The following NASP variants were observed in gnomAD, a reference collection of about 807,000 sequenced individuals.
The protein encoded by NASP is nuclear autoantigenic sperm protein.
Under a neutral mutation model 89.5 loss-of-function variants are expected in NASP, and 24 were observed. That is an observed-to-expected ratio of 0.27 (90% CI 0.19 to 0.38). The LOEUF is 0.38. Ranked by LOEUF, NASP falls within the 10% of genes least tolerant of loss-of-function variation. NASP has a pLI of 1.00. For synonymous variants in NASP, 306 were observed against 324.7 expected (o/e 0.94, Z 0.62); for missense variants, 848 against 921.4 (o/e 0.92, Z 1.03).
chr1:45,584,122 G>T lies in NASP; in HGVS notation c.-25G>T. On this transcript the variant is annotated 5_prime_UTR_variant, in exon 1 of 15. Transcript: ENST00000350030. ...TTTTCTCGCAGGCTCTATTCCGTTC[G>T]CTGGTTCGCCACCTCAGGGGAACGA... 6.3e-7 allele frequency: 1 copy of T among 1,576,160 alleles called. No individual in the cohort carries two copies. Among genetic ancestry groups the T allele is most frequent in the Non-Finnish European group, 8.6e-7 (1 of 1,159,944 alleles).
chr1:45,603,469 A>G (rs920666597), intron 3 of NASP, among the ~76,000 whole-genome samples: 1 of 152,182 alleles, frequency 6.6e-6, no homozygotes, highest in African/African-American at 2.4e-5. Flanking sequence ...TGCCTCTGCC[A>G]ACATCCAGAA....
intron 5 of NASP, 102 bp from the exon 6 acceptor site, chr1:45,607,219 G>A: frequency 8.2e-7 from 1 of 1,226,748 alleles, no homozygotes; most frequent in Non-Finnish European, 1.1e-6. Flanking sequence ...AAACTTGGTA[G>A]GCTTTTTGAG....
At chr1:45,589,048 T>C (rs1312330461) in intron 1 of NASP, 1 of 156,860 alleles carries the variant, frequency 6.4e-6, no homozygotes. Context: ...TGACTAAGAT[T>C]CTATGTATAT....
At chr1:45,586,940 C>T (rs1022315640) in intron 1 of NASP, among the ~76,000 whole-genome samples, 1 of 152,070 alleles carries the variant, frequency 6.6e-6, no homozygotes, top group African/African-American at 2.4e-5. Flanking sequence ...TCAAGCAATC[C>T]TTCCATCTCA....
chr1:45,602,105 A>G (rs975712625), intron 2 of NASP, 150 bp from the exon 3 acceptor site: 16 of 936,648 alleles, frequency 1.7e-5, no homozygotes, highest in Non-Finnish European at 2.4e-5. Context: ...ATTTCTTTTG[A>G]TTTTGTGATG....
intron 2 of NASP, among the ~76,000 whole-genome samples, chr1:45,601,103 C>T (rs1034087648): frequency 9.2e-5 from 14 of 152,018 alleles, no homozygotes; most frequent in African/African-American, 3.1e-4. Flanking sequence ...TATTTTCTCC[C>T]AGTTGGGCCT....
intron 9 of NASP, 90 bp downstream of exon 9, chr1:45,614,456 A>G (rs1644068000): frequency 2.9e-6 from 3 of 1,039,792 alleles, no homozygotes. Flanking sequence ...CTTGATCTTT[A>G]AAAAGATAGG....
At chr1:45,596,885 A>C (rs1643709490) in intron 2 of NASP, among the ~76,000 whole-genome samples, 1 of 152,170 alleles carries the variant, frequency 6.6e-6, no homozygotes, top group Admixed American at 6.6e-5. Context: ...AAAGTGGCTG[A>C]GGCAGGAGAA....
In NASP at chr1:45,584,175, C is replaced by T. The variant is rs1376927559; in HGVS notation, c.29C>T (p.Ala10Val). Residue 10 changes from alanine to valine, a missense_variant, in exon 1 of 15, where the codon GCC becomes GTC. By Grantham distance (64) the Ala-to-Val change is moderately conservative (BLOSUM62 0). Coordinates refer to ENST00000350030, the MANE Select transcript of NASP (RefSeq NM_002482.4). MAMESTATA[A>V]VAAELVSADK... ...GCCATGGAGTCCACAGCCACTGCCGCCGTCGCCGCGGAGCTGGTTTCTGCC... is the reference window on the plus strand; with the variant it reads ...GCCATGGAGTCCACAGCCACTGCCGTCGTCGCCGCGGAGCTGGTTTCTGCC... 3 of 1,597,364 alleles carry T rather than the reference C, an allele frequency of 1.9e-6. No individual in the cohort carries two copies. The South Asian group carries it at 3.4e-5, about 18-fold the overall frequency.
At chr1:45,590,703 T>TTG (rs71056312) in intron 1 of NASP, among the ~76,000 whole-genome samples, 1 of 143,910 alleles carries the variant, frequency 6.9e-6, no homozygotes, top group Non-Finnish European at 1.5e-5. Flanking sequence ...TTTTTTTTTT[T>TTG]GAGACGGAGT....
intron 13 of NASP, among the ~76,000 whole-genome samples, chr1:45,616,939 G>C (rs1169498944): frequency 6.6e-6 from 1 of 152,066 alleles, no homozygotes; most frequent in African/African-American, 2.4e-5. Context: ...CTGCCCCCCG[G>C]GTTCAAGTGA....
At chr1:45,617,334 G>A in intron 13 of NASP, 129 bp from the exon 14 acceptor site, 2 of 1,096,304 alleles carry the variant, frequency 1.8e-6, no homozygotes, top group Non-Finnish European at 2.6e-6. Context: ...TGGCTAGGGA[G>A]AGAGACCCTT....
At chr1:45,601,340 A>T (rs1004388495) in intron 2 of NASP, among the ~76,000 whole-genome samples, 2 of 152,212 alleles carry the variant, frequency 1.3e-5, no homozygotes, top group Non-Finnish European at 2.9e-5. Context: ...ATTGCAGATT[A>T]ATTTTTGTAT....
At chr1:45,589,746 G>A (rs1274169669) in intron 1 of NASP, among the ~76,000 whole-genome samples, 1 of 151,932 alleles carries the variant, frequency 6.6e-6, no homozygotes, top group East Asian at 1.9e-4. Context: ...GTAAAAAACA[G>A]AAAAATTAGC....
In NASP at chr1:45,618,222, T is replaced by C. The variant is rs1050075805; in HGVS notation, c.*81T>C. The C allele has an allele frequency of 4.5e-6, 5 of 1,118,850 alleles. No homozygotes were observed. The African/African-American group carries it at 7.9e-5, about 18-fold the overall frequency. The allele number at this position is 1,118,850 out of a possible 1,614,324, so 69.3% of individuals were successfully genotyped here. ...TCACTTTTGGAGGATTCTTTTTGTA[T>C]AACTTCAATAAAGATTGTAAGCAAA... On this transcript the variant is annotated 3_prime_UTR_variant, in exon 15 of 15. Coordinates refer to ENST00000350030, the MANE Select transcript of NASP (RefSeq NM_002482.4).
chr1:45,608,306 A>G lies in NASP; in HGVS notation c.1395A>G (p.Gln465=). The G allele has an allele frequency of 6.2e-7, 1 of 1,611,902 alleles. No individual in the cohort carries two copies. The highest frequency in any genetic ancestry group is 8.5e-7 in the Non-Finnish European group (1 of 1,178,888). ...AGATAGCTGCTAATGAAGAGACACA[A>G]GAGAGAGAAGAACAGATGAAAGAGG... is the stretch of plus-strand genomic sequence containing the variant. The part of the protein sequence containing the change: ...KVQIAANEET[Q]EREEQMKEGE... Residue 465 remains glutamine (Q), a synonymous_variant, in exon 6 of 15, where the codon CAA becomes CAG. Coordinates refer to ENST00000350030, the MANE Select transcript of NASP (RefSeq NM_002482.4).
chr1:45,617,961 G>A, intron 14 of NASP, 100 bp from the exon 15 acceptor site: 5 of 1,025,140 alleles, frequency 4.9e-6, no homozygotes, highest in Admixed American at 2.3e-5. Flanking sequence ...AGCAGAGTTT[G>A]GGTGACTTGT....
rs1435650666 is a variant in NASP at position 45,618,452 on chromosome 1, A to G, written c.*311A>G. ...CAATGGTGCTATATTCTGTTTTCAAACACTTCACTGAACCCAGCTGTCTTG... is the reference window on the plus strand; with the variant it reads ...CAATGGTGCTATATTCTGTTTTCAAGCACTTCACTGAACCCAGCTGTCTTG... On this transcript the variant is annotated 3_prime_UTR_variant, in exon 15 of 15. Coordinates refer to ENST00000350030, the MANE Select transcript of NASP (RefSeq NM_002482.4). The G allele has an allele frequency of 4.9e-6, 1 of 202,240 alleles. No individual in the cohort carries two copies. The highest frequency in any genetic ancestry group is 1.2e-4 in the East Asian group (1 of 8,608). The allele number at this position is 202,240 out of a possible 1,614,324, so 12.5% of individuals were successfully genotyped here. A position where few individuals can be genotyped will look rare whatever the true frequency, so the allele number is the denominator to read the frequency against.
chr1:45,590,682 C>CTTTTTT (rs386366869), intron 1 of NASP, among the ~76,000 whole-genome samples: 27 of 107,194 alleles, frequency 2.5e-4, no homozygotes, highest in East Asian at 8.3e-4. Flanking sequence ...CATAGTGTAA[C>CTTTTTT]TTTTTTTTTT....
Sources: gnomAD v4.1 joint callset for allele counts (sites outside exome capture counted in the v4.1 genomes callset) on GRCh38, gnomAD v4.1.1 for gene constraint, MANE v1.5 for transcripts, NCBI Gene and HGNC (gene_info 2026-07-23, HGNC 2026-07-21) for gene names.